Variants in RASA1 observed in about 807,000 individuals in gnomAD.
RASA1 encodes the protein ras GTPase-activating protein 1.
RASA1 carries 25 observed loss-of-function variants against 132.2 expected under a neutral mutation model. The observed-to-expected ratio is 0.19, with a 90% CI of 0.14 to 0.26. The LOEUF (loss-of-function observed/expected upper bound fraction) is 0.26. RASA1 is among the 10% of genes least tolerant of loss of function. The pLI is 1.00. For missense variants in RASA1, 964 were observed against 1,299.2 expected, an observed-to-expected ratio of 0.74 and a Z score of 3.97; for synonymous variants, 477 against 449.9, an observed-to-expected ratio of 1.06 and a Z score of -0.76.
At chr5:87,297,303 T>A (rs1365791915) in intron 1 of RASA1, among the ~76,000 whole-genome samples, 3 of 152,202 alleles carry the variant, frequency 2.0e-5, no homozygotes, top group African/African-American at 7.2e-5. Flanking sequence ...TTTTTTGCCT[T>A]TTATTATGTC....
rs796996196 is a variant in RASA1 at position 87,346,643 on chromosome 5, T to C, written c.1050-29T>C. ...ATGATAACAGCAAAAAGGACTTTAT[T>C]TATATATCTAATTTATTCTCTTTTT... On this transcript the variant is annotated intron_variant, in intron 6 of 24. Coordinates refer to ENST00000274376, the MANE Select transcript of RASA1 (RefSeq NM_002890.3). 2.1e-6 allele frequency: 3 copies of C among 1,425,784 alleles called. No individual in the cohort carries two copies. The South Asian group carries it at 3.6e-5, about 17-fold the overall frequency. The allele number at this position is 1,425,784 out of a possible 1,614,324, so 88.3% of individuals were successfully genotyped here. A position where few individuals can be genotyped will look rare whatever the true frequency, so the allele number is the denominator to read the frequency against.
At chr5:87,285,604 C>CTCTTTTTCTTTT (rs758911300) in intron 1 of RASA1, among the ~76,000 whole-genome samples, 1 of 146,494 alleles carries the variant, frequency 6.8e-6, no homozygotes, top group African/African-American at 2.5e-5. Flanking sequence ...TTCAGTCAGT[C>CTCTTTTTCTTTT]TCTTTTTCTT....
chr5:87,297,339 C>T (rs1755166312), intron 1 of RASA1, among the ~76,000 whole-genome samples: 2 of 150,852 alleles, frequency 1.3e-5, no homozygotes, highest in Non-Finnish European at 2.9e-5. Context: ...GAAAGGTATA[C>T]ATGATGTACT....
At position 87,268,979 on chromosome 5, in the gene RASA1, T is replaced by TC; in HGVS notation, c.530dup (p.Thr178AsnfsTer2). 1 of 1,614,198 alleles carries TC rather than the reference T, an allele frequency of 6.2e-7. No homozygotes were observed. Among genetic ancestry groups the TC allele is most frequent in the Non-Finnish European group, 8.5e-7 (1 of 1,180,036 alleles). ...AGGTGGCCATACCGTTGACCGCTCC[T>TC]CCAACTAACCAGTAAGTTAAGACTG... On this transcript the variant is annotated frameshift_variant, in exon 1 of 25. Coordinates refer to ENST00000274376, the MANE Select transcript of RASA1 (RefSeq NM_002890.3). LOFTEE classifies it high-confidence loss of function.
chr5:87,270,421 C>G (rs947664235), intron 1 of RASA1, among the ~76,000 whole-genome samples: 2 of 148,862 alleles, frequency 1.3e-5, no homozygotes, highest in African/African-American at 2.5e-5. Flanking sequence ...GATCTCGGCT[C>G]ACTGCAACCT....
chr5:87,269,113 C>T, intron 1 of RASA1, 123 bp downstream of exon 1: 1 of 1,613,680 alleles, frequency 6.2e-7, no homozygotes, highest in East Asian at 2.2e-5. Flanking sequence ...TTTGAAGTTT[C>T]AGGTTTCTTG....
At chr5:87,334,944 C>T (rs1445022576) in intron 4 of RASA1, among the ~76,000 whole-genome samples, 8 of 151,566 alleles carry the variant, frequency 5.3e-5, no homozygotes, top group African/African-American at 1.9e-4. Context: ...AGTGCAGTGG[C>T]ACGATCTTGC....
At chr5:87,359,566 TG>T (rs889615430) in intron 9 of RASA1, among the ~76,000 whole-genome samples, 5 of 152,184 alleles carry the variant, frequency 3.3e-5, no homozygotes, top group African/African-American at 1.2e-4. Context: ...AATATTAGTG[TG>T]GTTACATGTC....
chr5:87,317,721 G>A (rs1333142097), intron 1 of RASA1, among the ~76,000 whole-genome samples: 3 of 150,102 alleles, frequency 2.0e-5, no homozygotes, highest in African/African-American at 7.4e-5. Flanking sequence ...CTGCAGCCTC[G>A]GCCACCTGGG....
At chr5:87,286,870 CAT>C (rs535467919) in intron 1 of RASA1, among the ~76,000 whole-genome samples, 16 of 148,990 alleles carry the variant, frequency 1.1e-4, no homozygotes, top group African/African-American at 1.5e-4. Context: ...ACATATACAC[CAT>C]ATATATATAC....
chr5:87,307,570 A>T (rs1755678092), intron 1 of RASA1, among the ~76,000 whole-genome samples: 1 of 152,204 alleles, frequency 6.6e-6, no homozygotes, highest in East Asian at 1.9e-4. Context: ...AAATATTCAA[A>T]TTTTATCATT....
intron 4 of RASA1, among the ~76,000 whole-genome samples, chr5:87,335,632 G>A (rs1757921057): frequency 1.3e-5 from 2 of 151,802 alleles, no homozygotes; most frequent in Non-Finnish European, 2.9e-5. Flanking sequence ...CACCATGTTG[G>A]CCAGGGTAGT....
At chr5:87,281,401 A>T (rs975601416) in intron 1 of RASA1, among the ~76,000 whole-genome samples, 5 of 151,546 alleles carry the variant, frequency 3.3e-5, no homozygotes, top group Non-Finnish European at 5.9e-5. Context: ...CAGCTTCCCG[A>T]GTGCCAACAC....
At chr5:87,370,396 T>C (rs879113865) in intron 12 of RASA1, among the ~76,000 whole-genome samples, 1 of 152,230 alleles carries the variant, frequency 6.6e-6, no homozygotes, top group Admixed American at 6.5e-5. Context: ...ATGTGCAGTG[T>C]CCTTCTTATA....
At chr5:87,380,185 G>A (rs1761612026) in intron 19 of RASA1, among the ~76,000 whole-genome samples, 2 of 151,938 alleles carry the variant, frequency 1.3e-5, no homozygotes, top group African/African-American at 4.8e-5. Flanking sequence ...TATGCTTGTC[G>A]GCCTCCAGTA....
intron 1 of RASA1, among the ~76,000 whole-genome samples, chr5:87,295,178 C>T (rs147521265): frequency 4.6e-5 from 7 of 152,070 alleles, no homozygotes; most frequent in Non-Finnish European, 7.4e-5. Context: ...TTCTGATTAG[C>T]GTTAGCGTGG....
At chr5:87,353,950 G>A (rs560007500) in intron 9 of RASA1, among the ~76,000 whole-genome samples, 10 of 152,142 alleles carry the variant, frequency 6.6e-5, no homozygotes, top group Non-Finnish European at 8.8e-5. Flanking sequence ...TTCAAAAGAC[G>A]GATTAATAAT....
At chr5:87,301,322 C>T (rs147883782) in intron 1 of RASA1, among the ~76,000 whole-genome samples, 1 of 152,140 alleles carries the variant, frequency 6.6e-6, no homozygotes, top group African/African-American at 2.4e-5. Context: ...TTTAGAATTA[C>T]TTTTTTTCCC....
intron 1 of RASA1, among the ~76,000 whole-genome samples, chr5:87,277,251 A>G (rs758316481): frequency 2.6e-5 from 4 of 152,186 alleles, no homozygotes; most frequent in Non-Finnish European, 4.4e-5. Context: ...ATGCACCCAG[A>G]TAAAACTTAA....
Sources: gnomAD v4.1 joint callset for allele counts (sites outside exome capture counted in the v4.1 genomes callset) on GRCh38, gnomAD v4.1.1 for gene constraint, MANE v1.5 for transcripts, NCBI Gene and HGNC (gene_info 2026-07-23, HGNC 2026-07-21) for gene names.